Variants in DYNC1H1 observed in about 807,000 individuals in gnomAD.
The protein encoded by DYNC1H1 is dynein cytoplasmic 1 heavy chain 1.
In DYNC1H1, 51 loss-of-function variants were observed where a neutral mutation model predicts 527.1. The observed-to-expected ratio is 0.10, with a 90% confidence interval of 0.08 to 0.12. The LOEUF is 0.12. Ranked by LOEUF, DYNC1H1 falls within the 10% of genes least tolerant of loss-of-function variation. DYNC1H1 has a pLI of 1.00. For missense variants in DYNC1H1, 2,771 were observed against 5,971.8 expected (o/e 0.46, Z 17.66); for synonymous variants, 2,189 against 2,278.8 (o/e 0.96, Z 1.12).
At chr14:101,995,411 A>G in intron 15 of DYNC1H1, 111 bp downstream of exon 15, 1 of 1,346,098 alleles carries the variant, frequency 7.4e-7, no homozygotes, top group South Asian at 1.2e-5. Flanking sequence ...GGAGATCGAG[A>G]CCATCCTGGC....
At chr14:101,982,417 C>T (rs1225389991) in intron 5 of DYNC1H1, among the ~76,000 whole-genome samples, 2 of 151,928 alleles carry the variant, frequency 1.3e-5, no homozygotes, top group Non-Finnish European at 2.9e-5. Context: ...CATGGTGAAA[C>T]CCCGTGTTTG....
intron 1 of DYNC1H1, among the ~76,000 whole-genome samples, chr14:101,970,470 GTTGTTTTTT>G (rs1395610174): frequency 2.1e-5 from 2 of 96,276 alleles, no homozygotes; most frequent in African/African-American, 9.5e-5. Context: ...TTGGTTTGTT[GTTGTTTTTT>G]TTTTTTTTTT....
Position 101,994,746 on chromosome 14 carries a change from A to T in DYNC1H1, c.3230A>T (p.Asn1077Ile). The T allele has an allele frequency of 6.2e-7, 1 of 1,614,246 alleles. No individual in the cohort carries two copies. Among genetic ancestry groups the T allele is most frequent in the South Asian group, 1.1e-5 (1 of 91,090 alleles). The change falls in exon 13 of 78, where the codon AAC (asparagine) becomes ATC (isoleucine). Residue 1077 changes from asparagine (N) to isoleucine (I), a missense_variant. This residue lies in a region of DYNC1H1 where 179 missense variants were observed against 349.4 expected (regional missense o/e 0.51). Transcript: ENST00000360184. ...TATAACAGACTTGGAGAAGATCTCAACAAATGGCAGGCTCTCCTGGTCCAA... is the reference window on the plus strand; with the variant it reads ...TATAACAGACTTGGAGAAGATCTCATCAAATGGCAGGCTCTCCTGGTCCAA... ...NIYNRLGEDL[N>I]KWQALLVQIR...
intron 42 of DYNC1H1, among the ~76,000 whole-genome samples, chr14:102,021,233 C>A (rs571042577): frequency 1.3e-5 from 2 of 152,080 alleles, no homozygotes; most frequent in South Asian, 4.2e-4. Flanking sequence ...AAAAATTAGC[C>A]AGGTGTGGTG....
chr14:102,047,983 C>G lies in DYNC1H1; in HGVS notation c.13173C>G (p.Ile4391Met), dbSNP rs556009462. Residue 4391 changes from isoleucine (I) to methionine (M), a missense_variant, in exon 73 of 78, where the codon ATC (isoleucine) becomes ATG (methionine). Ile to Met is a conservative substitution (Grantham distance 10, BLOSUM62 1). Coordinates refer to ENST00000360184, the MANE Select transcript of DYNC1H1 (RefSeq NM_001376.5). ...CCGCGTCCAACTGGCTGCACCTCAT[C>G]CCCCAGACGCTGAGCCACCTCAAGC... ...HTTASNWLHL[I>M]PQTLSHLKRT... is the part of the protein sequence containing the mutation. The G allele has an allele frequency of 6.2e-7, 1 of 1,612,342 alleles. No individual in the cohort carries two copies. Among genetic ancestry groups the G allele is most frequent in the African/African-American group, 1.3e-5 (1 of 74,898 alleles).
intron 43 of DYNC1H1, 132 bp downstream of exon 43, chr14:102,023,012 C>T (rs1347863737): frequency 1.0e-5 from 15 of 1,437,988 alleles, no homozygotes; most frequent in Non-Finnish European, 1.1e-5. Context: ...CCTGTAATCC[C>T]AGCACTTTGG....
At chr14:102,031,726 G>A (rs539449669) in intron 51 of DYNC1H1, among the ~76,000 whole-genome samples, 12 of 152,218 alleles carry the variant, frequency 7.9e-5, no homozygotes, top group African/African-American at 1.7e-4. Context: ...AGGCAGGGGC[G>A]GGTGGATCAC....
chr14:102,013,418 G>A (rs552223111), intron 34 of DYNC1H1, among the ~76,000 whole-genome samples: 42 of 152,218 alleles, frequency 2.8e-4, no homozygotes, highest in African/African-American at 9.1e-4. Flanking sequence ...CCCTGAGAAC[G>A]TAGTTTGAGC....
In DYNC1H1 at chr14:102,049,735, G is replaced by A; in HGVS notation, c.13537G>A (p.Gly4513Ser). The A allele has an allele frequency of 1.2e-6, 2 of 1,613,936 alleles. No homozygotes were observed. Among genetic ancestry groups the A allele is most frequent in the Non-Finnish European group, 1.7e-6 (2 of 1,180,022 alleles). The part of the protein sequence containing the change: ...ELKNIHVCLG[G>S]LFVPEAYITA... ...ACAGAACATCCACGTGTGCCTGGGTGGCCTGTTCGTGCCTGAGGCGTACAT... is the reference window on the plus strand; with the variant it reads ...ACAGAACATCCACGTGTGCCTGGGTAGCCTGTTCGTGCCTGAGGCGTACAT... The change falls in exon 76 of 78, where the codon GGC becomes AGC. Residue 4513 changes from glycine (G) to serine (S), a missense_variant. Physicochemically the swap from Gly to Ser is moderately conservative, Grantham distance 56 (BLOSUM62 0). Around this residue, in one of 32 missense-constraint regions of DYNC1H1, gnomAD observed 170 missense variants for 249.8 expected, o/e 0.68. Transcript: ENST00000360184. The surrounding 1 kb of genome is among the most constrained non-coding windows in gnomAD (Gnocchi z 5.5).
chr14:102,050,351 C>T, intron 77 of DYNC1H1, 84 bp from the exon 78 acceptor site: 1 of 1,612,296 alleles, frequency 6.2e-7, no homozygotes, highest in Non-Finnish European at 8.5e-7. Context: ...CCTCTCCTTG[C>T]CGGGCCCCAT....
rs192041357 is a variant in DYNC1H1, at chr14:102,044,584, T to C, written c.12903-11T>C. The C allele has an allele frequency of 1.2e-6, 2 of 1,614,068 alleles. No homozygotes were observed. Among genetic ancestry groups the C allele is most frequent in the African/African-American group, 2.7e-5 (2 of 74,942 alleles). On this transcript the variant is annotated splice_polypyrimidine_tract_variant and intron_variant, in intron 71 of 77. Coordinates refer to ENST00000360184, the MANE Select transcript of DYNC1H1 (RefSeq NM_001376.5). The surrounding 1 kb of genome is among the most constrained non-coding windows in gnomAD (Gnocchi z 7.1). ...CCCCTGACATCATTTCCAAATGCAC[T>C]GGTTTTCTAGGCGAGAGGAGTTTGT...
chr14:101,979,510 A>G lies in DYNC1H1; in HGVS notation c.518+18A>G. 1 of 1,614,098 alleles carries G rather than the reference A, an allele frequency of 6.2e-7. No homozygotes were observed. The highest frequency in any genetic ancestry group is 2.2e-5 in the East Asian group (1 of 44,884). On this transcript the variant is annotated intron_variant, in intron 3 of 77. Transcript: ENST00000360184. The surrounding 1 kb of genome is among the most constrained non-coding windows in gnomAD (Gnocchi z 4.6). ...GCAGACAGGTAAAAACTGTGGTTTG[A>G]ATGTTATATTTCACTTAATGTTCAC...
chr14:102,041,563 A>G lies in DYNC1H1; in HGVS notation c.11942-11A>G. 1 of 1,613,704 alleles carries G rather than the reference A, an allele frequency of 6.2e-7. No homozygotes were observed. Among genetic ancestry groups the G allele is most frequent in the Non-Finnish European group, 8.5e-7 (1 of 1,179,982 alleles). ...TTCCACCCAGCACCCACCCCTCTGT[A>G]CCTGTTTCAGCACCCATTGGCCAGG... is the stretch of plus-strand genomic sequence containing the variant. On this transcript the variant is annotated splice_polypyrimidine_tract_variant and intron_variant, in intron 64 of 77. Transcript: ENST00000360184. The surrounding 1 kb of genome is among the most constrained non-coding windows in gnomAD (Gnocchi z 4.5).
rs17540735 is a variant in DYNC1H1, at chr14:101,983,230, A to G, written c.1173A>G (p.Gln391=). 2.7e-4 allele frequency: 432 copies of G among 1,614,248 alleles called. 1 individual carries two copies. Among genetic ancestry groups the G allele is most frequent in the Middle Eastern group, 1.5e-3 (9 of 6,062 alleles). ...VEAISRDLSS[Q]LLKVLGTRKL... The stretch of plus-strand genomic sequence containing the variant: ...CAATTTCAAGAGACTTGAGTTCTCA[A>G]TTACTCAAAGTATTGGGCACTAGGA... The change falls in exon 6 of 78, where the codon CAA becomes CAG. Residue 391 remains glutamine, a synonymous_variant. Transcript: ENST00000360184. The surrounding 1 kb of genome is among the most constrained non-coding windows in gnomAD (Gnocchi z 5.3).
rs1425438104 is a variant in DYNC1H1, at chr14:102,050,665, T to G, written c.*102T>G. 32 of 1,582,870 alleles carry G rather than the reference T, an allele frequency of 2.0e-5. No homozygotes were observed. The highest frequency in any genetic ancestry group is 2.6e-5 in the Non-Finnish European group (30 of 1,157,680). Reference sequence around the variant, plus strand: ...TCTGAGCTTGTGAAAAGAAAGTGGTTGGTCTGAGGTTGGAGGAAGCTGAAT... The same window carrying G: ...TCTGAGCTTGTGAAAAGAAAGTGGTGGGTCTGAGGTTGGAGGAAGCTGAAT... On this transcript the variant is annotated 3_prime_UTR_variant, in exon 78 of 78. Transcript: ENST00000360184.
intron 43 of DYNC1H1, among the ~76,000 whole-genome samples, chr14:102,026,103 G>T (rs1349454789): frequency 3.4e-5 from 5 of 147,360 alleles, no homozygotes; most frequent in African/African-American, 1.0e-4. Context: ...GACAGAGCGA[G>T]GCTACAAAAA....
In DYNC1H1 at chr14:101,983,734, ATGGCATGATCT is replaced by A; in HGVS notation, c.1461+130_1461+140del. The A allele has an allele frequency of 8.8e-7, 1 of 1,132,900 alleles. No individual in the cohort carries two copies. Among genetic ancestry groups the A allele is most frequent in the Admixed American group, 2.1e-5 (1 of 47,476 alleles). The allele number at this position is 1,132,900 out of a possible 1,614,324, so 70.2% of individuals were successfully genotyped here. A position where few individuals can be genotyped will look rare whatever the true frequency, so the allele number is the denominator to read the frequency against. On this transcript the variant is annotated intron_variant, in intron 7 of 77. Transcript: ENST00000360184. This position sits in a 1 kb window ranked among gnomAD's most constrained non-coding sequence, Gnocchi z 5.3. ...CTCTTGTTGCCCAGGCTGGAGTGCAATGGCATGATCTTGGCTCACTGCAACCTCCGCCTTCT... is the reference window on the plus strand; with the variant it reads ...CTCTTGTTGCCCAGGCTGGAGTGCAATGGCTCACTGCAACCTCCGCCTTCT...
At chr14:101,987,268 C>T (rs1393836167) in intron 8 of DYNC1H1, among the ~76,000 whole-genome samples, 185 bp from the exon 9 acceptor site, 5 of 152,232 alleles carry the variant, frequency 3.3e-5, no homozygotes, top group Non-Finnish European at 1.5e-5. Context: ...ATGCATTTTC[C>T]TTTCCTCTGC....
Position 102,049,098 on chromosome 14 carries a change from C to T in DYNC1H1, c.13373-342C>T. The T allele has an allele frequency of 2.3e-6, 1 of 436,880 alleles. No individual in the cohort carries two copies. Among genetic ancestry groups the T allele is most frequent in the East Asian group, 5.0e-5 (1 of 19,974 alleles). The allele number at this position is 436,880 out of a possible 1,614,324, so 27.1% of individuals were successfully genotyped here. A position where few individuals can be genotyped will look rare whatever the true frequency, so the allele number is the denominator to read the frequency against. On this transcript the variant is annotated intron_variant, in intron 74 of 77. Transcript: ENST00000360184. The surrounding 1 kb of genome is among the most constrained non-coding windows in gnomAD (Gnocchi z 5.5). ...AGCCCCCAGCATCCTCCTGTTTGCC[C>T]CAAAAGCCCTAATTGCCAGGAACAC...
Sources: gnomAD v4.1 joint callset for allele counts (sites outside exome capture counted in the v4.1 genomes callset) on GRCh38, gnomAD v4.1.1 for gene constraint, gnomAD v4.1.1 regional missense constraint, Gnocchi (gnomAD v3.1) non-coding constraint, MANE v1.5 for transcripts, NCBI Gene and HGNC (gene_info 2026-07-23, HGNC 2026-07-21) for gene names.